ZNF385D: variants seen among roughly 807,000 people sequenced by gnomAD.
ZNF385D encodes zinc finger protein 659.
ZNF385D carries 15 observed loss-of-function variants against 35.8 expected under a neutral mutation model. That is an observed-to-expected ratio of 0.42 (90% CI 0.28 to 0.64). The LOEUF (loss-of-function observed/expected upper bound fraction) is 0.64, where lower values mean the gene tolerates loss of function less well. Among genes scored for constraint, ZNF385D ranks in the 30% least tolerant of loss-of-function variants. The pLI is 0.23. For synonymous variants in ZNF385D, 212 were observed against 186.8 expected, an observed-to-expected ratio of 1.13 and a Z score of -1.10; for missense variants, 474 against 494.6, an observed-to-expected ratio of 0.96 and a Z score of 0.39.
chr3:21,975,739 A>ATATATATATATATATATATATATATATG (rs1703571371), intron 3 of ZNF385D, among the ~76,000 whole-genome samples: 2 of 48,404 alleles, frequency 4.1e-5, no homozygotes, highest in Non-Finnish European at 7.6e-5. Flanking sequence ...ATATATATAT[A>ATATATATATATATATATATATATATATG]TATATATATA....
rs150715172 is a variant in ZNF385D at position 21,764,413 on chromosome 3, C to T, written c.326-99385G>A. Among the ~76,000 whole-genome samples, 285 of 152,254 alleles carry T rather than the reference C, an allele frequency of 1.9e-3. 3 individuals are homozygous for T. The highest frequency in any genetic ancestry group is 6.6e-3 in the African/African-American group (274 of 41,556). ...AAATGTAGAATGGTTAACTAATAAG[C>T]ATCCAGTGGAAATAAAGCTCTCGTA... On this transcript the variant is annotated intron_variant, in intron 3 of 5. Coordinates refer to the ZNF385D transcript ENST00000494108.
At chr3:22,190,421 T>C (rs936711952) in intron 2 of ZNF385D, among the ~76,000 whole-genome samples, 2 of 152,180 alleles carry the variant, frequency 1.3e-5, no homozygotes, top group East Asian at 3.8e-4. Flanking sequence ...TAACCTTAAT[T>C]GCATTTCAAA....
intron 3 of ZNF385D, among the ~76,000 whole-genome samples, chr3:22,068,706 T>G (rs899887145): frequency 5.3e-5 from 8 of 152,218 alleles, no homozygotes; most frequent in Non-Finnish European, 8.8e-5. Context: ...ATAAATTTCT[T>G]TTTCTACATA....
intron 3 of ZNF385D, among the ~76,000 whole-genome samples, chr3:21,984,206 T>C (rs1038997663): frequency 6.8e-6 from 1 of 146,796 alleles, no homozygotes; most frequent in Non-Finnish European, 1.5e-5. Flanking sequence ...TTTGTTGCCA[T>C]TGCTTTTGGT....
At chr3:21,592,179 G>A (rs1373944086) in intron 2 of ZNF385D, among the ~76,000 whole-genome samples, 1 of 152,092 alleles carries the variant, frequency 6.6e-6, no homozygotes, top group Admixed American at 6.6e-5. Flanking sequence ...ATGGTTATTA[G>A]TTGTTTTCTT....
At chr3:21,457,554 C>G (rs925656189) in intron 4 of ZNF385D, among the ~76,000 whole-genome samples, 1 of 152,012 alleles carries the variant, frequency 6.6e-6, no homozygotes, top group African/African-American at 2.4e-5. Context: ...CAGGGTTTCA[C>G]CATATTGGCC....
intron 1 of ZNF385D, among the ~76,000 whole-genome samples, chr3:21,695,379 G>C (rs544390764): frequency 1.3e-5 from 2 of 152,312 alleles, no homozygotes; most frequent in South Asian, 4.1e-4. Flanking sequence ...TAATACTCAA[G>C]GGATATAGCC....
chr3:21,963,991 A>C (rs1014918038), intron 3 of ZNF385D, among the ~76,000 whole-genome samples: 1 of 152,192 alleles, frequency 6.6e-6, no homozygotes, highest in Non-Finnish European at 1.5e-5. Context: ...CATTAGTACA[A>C]AAGCGACTAA....
chr3:22,105,213 C>A (rs1039869608), intron 3 of ZNF385D, among the ~76,000 whole-genome samples: 1 of 151,592 alleles, frequency 6.6e-6, no homozygotes, highest in Non-Finnish European at 1.5e-5. Flanking sequence ...AAAATAGTAT[C>A]ATTAAAATGA....
intron 2 of ZNF385D, among the ~76,000 whole-genome samples, chr3:21,651,243 G>A (rs1394779746): frequency 4.7e-5 from 6 of 126,796 alleles, no homozygotes; most frequent in African/African-American, 9.0e-5. Context: ...AGCCAAGATC[G>A]TGCCACCGCA....
chr3:21,613,648 C>G (rs373085583), intron 2 of ZNF385D, among the ~76,000 whole-genome samples: 8 of 152,160 alleles, frequency 5.3e-5, no homozygotes, highest in Admixed American at 1.3e-4. Flanking sequence ...AATTGAATGG[C>G]CCTTTGACCC....
chr3:21,510,128 T>C (rs757697441), intron 4 of ZNF385D, among the ~76,000 whole-genome samples: 3 of 152,184 alleles, frequency 2.0e-5, no homozygotes, highest in Non-Finnish European at 2.9e-5. Flanking sequence ...TATCCATGAA[T>C]CACAGAGGAA....
At chr3:22,006,648 T>C (rs1174243165) in intron 3 of ZNF385D, among the ~76,000 whole-genome samples, 1 of 151,956 alleles carries the variant, frequency 6.6e-6, no homozygotes, top group East Asian at 1.9e-4. Context: ...GAAAAGAAAA[T>C]AGAAGAGACA....
chr3:21,568,640 C>A (rs1252255847), intron 2 of ZNF385D, among the ~76,000 whole-genome samples: 2 of 152,134 alleles, frequency 1.3e-5, no homozygotes, highest in Non-Finnish European at 2.9e-5. Flanking sequence ...CAGCACACAA[C>A]AGAATATTAC....
intron 2 of ZNF385D, among the ~76,000 whole-genome samples, chr3:22,215,628 A>C (rs1006863316): frequency 6.6e-5 from 10 of 152,136 alleles, no homozygotes; most frequent in African/African-American, 2.4e-4. Context: ...TACTTGCCCG[A>C]AACTTCATTA....
rs1028875670 is a variant in ZNF385D, at chr3:21,646,999, G to A, written c.165+17887C>T. On this transcript the variant is annotated intron_variant, in intron 2 of 7. Coordinates refer to ENST00000281523, the MANE Select transcript of ZNF385D (RefSeq NM_024697.3). The surrounding 1 kb of genome is among the most constrained non-coding windows in gnomAD (Gnocchi z 4.3). ...ATAATTGGTAGCTAATTTCTTAATG[G>A]CATATCCAGTTTCTTGCTGATAAAC... 6.6e-6 allele frequency among the ~76,000 whole-genome samples: 1 copy of A among 152,070 alleles called. No homozygotes were observed. The highest frequency in any genetic ancestry group is 2.4e-5 in the African/African-American group (1 of 41,388).
At chr3:21,816,188 T>G (rs903063564) in intron 3 of ZNF385D, among the ~76,000 whole-genome samples, 1 of 152,080 alleles carries the variant, frequency 6.6e-6, no homozygotes, top group African/African-American at 2.4e-5. Flanking sequence ...CTCAAAATAA[T>G]AAGAGCTATT....
chr3:22,211,852 G>A (rs758203440), intron 2 of ZNF385D, among the ~76,000 whole-genome samples: 12 of 151,834 alleles, frequency 7.9e-5, no homozygotes, highest in African/African-American at 1.7e-4. Context: ...AAATTCCTTC[G>A]TCTTCCTTTT....
chr3:22,276,028 T>C (rs2125370526), intron 2 of ZNF385D, among the ~76,000 whole-genome samples: 1 of 152,268 alleles, frequency 6.6e-6, no homozygotes, highest in Admixed American at 6.5e-5. Flanking sequence ...GAGGTTGCAG[T>C]GAGCCAAGAT....
Sources: allele counts gnomAD v4.1 joint callset (sites outside exome capture counted in the v4.1 genomes callset), GRCh38; gene constraint gnomAD v4.1.1; non-coding constraint Gnocchi (gnomAD v3.1); transcripts MANE v1.5; gene names NCBI Gene and HGNC (gene_info 2026-07-23, HGNC 2026-07-21).